USP44: variants seen among roughly 807,000 people sequenced by gnomAD.
The protein encoded by USP44 is ubiquitin specific peptidase 44.
USP44 carries 61 observed loss-of-function variants against 69.0 expected under a neutral mutation model. The ratio of observed to expected loss-of-function variants is 0.88; its 90% CI spans 0.72 to 1.09. USP44 has a LOEUF of 1.09. USP44 is among the 50% of genes least tolerant of loss of function. The probability of loss-of-function intolerance (pLI) is 0.00; values close to 1 mark genes in which losing one functional copy is unlikely to be tolerated. For missense variants in USP44, 753 were observed against 849.9 expected (o/e 0.89, Z 1.42); for synonymous variants, 297 against 295.4 (o/e 1.01, Z -0.06).
intron 2 of USP44, among the ~76,000 whole-genome samples, chr12:95,529,483 G>A (rs1444862968): frequency 1.3e-5 from 2 of 151,696 alleles, no homozygotes; most frequent in African/African-American, 4.8e-5. Context: ...GGGTGCAATG[G>A]CGCAATCTCG....
chr12:95,542,925 A>C (rs1233386656), intron 1 of USP44, among the ~76,000 whole-genome samples: 9 of 149,142 alleles, frequency 6.0e-5, no homozygotes, highest in African/African-American at 2.2e-4. Context: ...GTCTCTACTA[A>C]AAAATACAAA....
chr12:95,550,730 G>T (rs2077710009), intron 1 of USP44, among the ~76,000 whole-genome samples: 1 of 152,028 alleles, frequency 6.6e-6, no homozygotes, highest in South Asian at 2.1e-4. Context: ...TCTAGTAATT[G>T]GGCGGGGTCT....
intron 2 of USP44, 60 bp from the exon 3 acceptor site, chr12:95,529,062 T>C: frequency 7.0e-7 from 1 of 1,435,690 alleles, no homozygotes. Context: ...ATTAACTCTT[T>C]TCACTAGAGG....
intron 1 of USP44, among the ~76,000 whole-genome samples, chr12:95,546,070 T>C (rs558576477): frequency 1.3e-5 from 2 of 152,336 alleles, no homozygotes; most frequent in East Asian, 1.9e-4. Context: ...TCCGGGTTAT[T>C]TGAATTTCTC....
At chr12:95,542,655 G>A (rs952310770) in intron 1 of USP44, among the ~76,000 whole-genome samples, 13 of 151,510 alleles carry the variant, frequency 8.6e-5, no homozygotes, top group Middle Eastern at 3.4e-3. Context: ...CCAGCTACTC[G>A]GGAGGCTGAG....
intron 1 of USP44, among the ~76,000 whole-genome samples, chr12:95,536,810 T>C (rs976250284): frequency 1.3e-5 from 2 of 152,194 alleles, no homozygotes; most frequent in Admixed American, 1.3e-4. Context: ...GGATCCTTGC[T>C]GTGACCCTCC....
intron 4 of USP44, among the ~76,000 whole-genome samples, chr12:95,523,110 A>G (rs1033975517): frequency 6.6e-6 from 1 of 152,102 alleles, no homozygotes; most frequent in Non-Finnish European, 1.5e-5. Context: ...CCCTTCCCAC[A>G]AGCCATGCCC....
At chr12:95,523,935 G>A (rs1205725953) in intron 4 of USP44, among the ~76,000 whole-genome samples, 1 of 151,828 alleles carries the variant, frequency 6.6e-6, no homozygotes, top group Non-Finnish European at 1.5e-5. Context: ...AGAGTGCAAT[G>A]GTATGATGTT....
At chr12:95,540,373 A>G (rs1285557376) in intron 1 of USP44, among the ~76,000 whole-genome samples, 1 of 116,792 alleles carries the variant, frequency 8.6e-6, no homozygotes, top group Non-Finnish European at 1.7e-5. Flanking sequence ...GTGAAGTTTC[A>G]GTGTTTTTGC....
At chr12:95,536,039 C>CTTTT (rs397821709) in intron 1 of USP44, among the ~76,000 whole-genome samples, 102 of 97,492 alleles carry the variant, frequency 1.0e-3, no homozygotes, top group African/African-American at 2.3e-3. Flanking sequence ...CTTTTTTTTC[C>CTTTT]TTTTTTTTTT....
At chr12:95,519,432 A>ATTTTTTTTTTT (rs60940181) in intron 5 of USP44, among the ~76,000 whole-genome samples, 1 of 84,544 alleles carries the variant, frequency 1.2e-5, no homozygotes, top group Non-Finnish European at 2.2e-5. Flanking sequence ...CTCAATCTGT[A>ATTTTTTTTTTT]TTTTTTTTTT....
At chr12:95,527,836 CT>C (rs760231106) in intron 3 of USP44, among the ~76,000 whole-genome samples, 1,267 of 54,834 alleles carry the variant, frequency 0.023, 64 homozygotes, top group African/African-American at 0.098. Flanking sequence ...GAGGAAGATG[CT>C]TTTTTTTTTT....
chr12:95,541,768 G>A (rs910410656), intron 1 of USP44, among the ~76,000 whole-genome samples: 2 of 151,864 alleles, frequency 1.3e-5, no homozygotes, highest in African/African-American at 4.8e-5. Flanking sequence ...CCTGTCATGT[G>A]CACGCCAGCC....
intron 1 of USP44, among the ~76,000 whole-genome samples, chr12:95,541,561 A>C (rs2077391135): frequency 6.6e-6 from 1 of 152,118 alleles, no homozygotes; most frequent in Non-Finnish European, 1.5e-5. Context: ...GCCTCAGCAA[A>C]AGAGCAAGAC....
intron 4 of USP44, among the ~76,000 whole-genome samples, chr12:95,521,786 C>T (rs548030453): frequency 6.6e-6 from 1 of 152,174 alleles, no homozygotes; most frequent in East Asian, 1.9e-4. Flanking sequence ...TGTGCCCAGC[C>T]CCACCGAAGG....
At chr12:95,544,109 C>T (rs2077494512) in intron 1 of USP44, among the ~76,000 whole-genome samples, 1 of 121,520 alleles carries the variant, frequency 8.2e-6, no homozygotes, top group South Asian at 2.9e-4. Context: ...GGTTGGAGTG[C>T]AGTGGCACGA....
chr12:95,550,765 A>G (rs1369657042), intron 1 of USP44, among the ~76,000 whole-genome samples: 1 of 152,134 alleles, frequency 6.6e-6, no homozygotes, highest in East Asian at 1.9e-4. Context: ...TGATGTGAAT[A>G]AATGAAGAGA....
At position 95,548,052 on chromosome 12, in the gene USP44, A is replaced by C. The variant is rs2077630186; in HGVS notation, c.-71+3220T>G. On this transcript the variant is annotated intron_variant, in intron 1 of 5. Transcript: ENST00000258499. The surrounding 1 kb of genome is among the most constrained non-coding windows in gnomAD (Gnocchi z 4.1). ...ACTGACATATTTCTTATCCCCCATA[A>C]TGAATTCAGCCATATGGCATTCTTT... The C allele has an allele frequency of 6.6e-6, 1 of 152,318 alleles. No homozygotes were observed. The highest frequency in any genetic ancestry group is 6.5e-5 in the Admixed American group (1 of 15,302). The allele number at this position is 152,318 out of a possible 1,614,324, so 9.4% of individuals were successfully genotyped here.
At chr12:95,538,306 A>G (rs1027629935) in intron 1 of USP44, among the ~76,000 whole-genome samples, 1 of 152,194 alleles carries the variant, frequency 6.6e-6, no homozygotes, top group Non-Finnish European at 1.5e-5. Context: ...GAATTAACTT[A>G]GAACAACTCC....
Sources: gnomAD v4.1 joint callset for allele counts (sites outside exome capture counted in the v4.1 genomes callset) on GRCh38, gnomAD v4.1.1 for gene constraint, Gnocchi (gnomAD v3.1) non-coding constraint, MANE v1.5 for transcripts, NCBI Gene and HGNC (gene_info 2026-07-23, HGNC 2026-07-21) for gene names.